Variants in GTPBP2 observed in about 807,000 individuals in gnomAD.
The protein encoded by GTPBP2 is GTP binding protein 2, also known as GTP-binding protein 2.
Under a neutral mutation model 63.0 loss-of-function variants are expected in GTPBP2, and 32 were observed. The observed-to-expected ratio is 0.51, with a 90% confidence interval of 0.38 to 0.68. GTPBP2 has a LOEUF of 0.68. Ranked by LOEUF, GTPBP2 falls within the 30% of genes least tolerant of loss-of-function variation. The pLI, the probability that GTPBP2 is intolerant of heterozygous loss-of-function variation, is 0.00. For synonymous variants in GTPBP2, 310 were observed against 322.6 expected (o/e 0.96, Z 0.42); for missense variants, 492 against 796.9 (o/e 0.62, Z 4.61).
Position 43,621,767 on chromosome 6 carries a change from C to A in GTPBP2, c.1656G>T (p.Lys552Asn). The change falls in exon 12 of 12, where the codon AAG (lysine) becomes AAT (asparagine). Residue 552 changes from lysine to asparagine, a missense_variant. Physicochemically the swap from Lys to Asn is moderately conservative, Grantham distance 94. Around this residue, in one of 2 missense-constraint regions of GTPBP2, gnomAD observed 400 missense variants for 710.8 expected, o/e 0.56. Transcript: ENST00000307126. ...HAKDKLRTGE[K>N]AVVRFRFLKH... ...TCAGGAAGCGGAAACGTACCACTGC[C>A]TTCTCGCCTGTCCGCAGTTTGTCCT... 6.2e-7 allele frequency: 1 copy of A among 1,614,212 alleles called. No homozygotes were observed. The highest frequency in any genetic ancestry group is 8.5e-7 in the Non-Finnish European group (1 of 1,180,042).
In GTPBP2 at chr6:43,629,037, C is replaced by T. The variant is rs1159563618; in HGVS notation, c.126G>A (p.Lys42=). 4 of 1,613,090 alleles carry T rather than the reference C, an allele frequency of 2.5e-6. No homozygotes were observed. Among genetic ancestry groups the T allele is most frequent in the Non-Finnish European group, 3.4e-6 (4 of 1,179,622 alleles). The change falls in exon 1 of 12, where the codon AAG becomes AAA. Residue 42 remains lysine (K), a synonymous_variant. Coordinates refer to ENST00000307126, the MANE Select transcript of GTPBP2 (RefSeq NM_019096.5). ...SSSGCGGPKG[K]KKNGRNRGGK... ...CCCCTCTGTTCCTTCCGTTCTTCTT[C>T]TTTCCCTTTGGCCCCCCGCAGCCGC...
Position 43,622,266 on chromosome 6 carries a change from T to C in GTPBP2, c.1468-99A>G. The C allele has an allele frequency of 2.0e-6, 2 of 989,132 alleles. No individual in the cohort carries two copies. The highest frequency in any genetic ancestry group is 4.9e-5 in the Admixed American group (2 of 40,956). The allele number at this position is 989,132 out of a possible 1,614,324, so 61.3% of individuals were successfully genotyped here. ...CCCTTTATAGCTCCTGAATTTCCTCTTCCTCTACACAACTCTAAACACAAA... is the reference window on the plus strand; with the variant it reads ...CCCTTTATAGCTCCTGAATTTCCTCCTCCTCTACACAACTCTAAACACAAA... On this transcript the variant is annotated intron_variant, in intron 10 of 11. Transcript: ENST00000307126. The surrounding 1 kb of genome is among the most constrained non-coding windows in gnomAD (Gnocchi z 5.4).
chr6:43,622,809 AGCCCAGAGG>A lies in GTPBP2; in HGVS notation c.1296-14_1296-6del. The A allele has an allele frequency of 6.2e-7, 1 of 1,609,354 alleles. No homozygotes were observed. The highest frequency in any genetic ancestry group is 8.5e-7 in the Non-Finnish European group (1 of 1,176,912). ...TCCCCCTCACGGCAAATCCCACTGC[AGCCCAGAGG>A]GCAGGTGGCACAGTGTCAGCCAAGG... is the stretch of plus-strand genomic sequence containing the variant. On this transcript the variant is annotated splice_region_variant and splice_polypyrimidine_tract_variant and intron_variant, in intron 9 of 11. Coordinates refer to ENST00000307126, the MANE Select transcript of GTPBP2 (RefSeq NM_019096.5). The surrounding 1 kb of genome is among the most constrained non-coding windows in gnomAD (Gnocchi z 5.4).
At chr6:43,628,933 G>T in intron 1 of GTPBP2, 44 bp downstream of exon 1, 3 of 1,590,682 alleles carry the variant, frequency 1.9e-6, no homozygotes, top group Non-Finnish European at 1.7e-6. Context: ...TCCTGGGCCG[G>T]AAAGAGTGGC....
Position 43,626,345 on chromosome 6 carries a change from G to T in GTPBP2, c.279C>A (p.Leu93=). Residue 93 remains leucine, a synonymous_variant, in exon 3 of 12, where the codon CTC becomes CTA. Coordinates refer to ENST00000307126, the MANE Select transcript of GTPBP2 (RefSeq NM_019096.5). The surrounding 1 kb of genome is among the most constrained non-coding windows in gnomAD (Gnocchi z 4.0). ...EHLVTQMKWR[L]QEGRGEAVYQ... ...AGACGGCCTCACCACGTCCCTCCTGGAGCCGCCACTTCATTTGTGTCACCA... is the reference window on the plus strand; with the variant it reads ...AGACGGCCTCACCACGTCCCTCCTGTAGCCGCCACTTCATTTGTGTCACCA... 6.2e-7 allele frequency: 1 copy of T among 1,614,166 alleles called. No individual in the cohort carries two copies. Among genetic ancestry groups the T allele is most frequent in the Non-Finnish European group, 8.5e-7 (1 of 1,180,032 alleles).
At chr6:43,629,661 CA>C (rs1769771827), upstream of GTPBP2, 3 of 1,393,094 alleles carry the variant, frequency 2.2e-6, no homozygotes, top group Admixed American at 5.9e-5. Context: ...GGATCCTAGA[CA>C]ACAGGTTTTG....
At position 43,621,341 on chromosome 6, in the gene GTPBP2, C is replaced by T; in HGVS notation, c.*273G>A. The T allele has an allele frequency of 8.0e-7, 1 of 1,247,512 alleles. No homozygotes were observed. Among genetic ancestry groups the T allele is most frequent in the Non-Finnish European group, 1.1e-6 (1 of 892,832 alleles). 77.3% of individuals were successfully genotyped at this position (1,247,512 alleles called of 1,614,324 possible). A position where few individuals can be genotyped will look rare whatever the true frequency, so the allele number is the denominator to read the frequency against. On this transcript the variant is annotated 3_prime_UTR_variant, in exon 12 of 12. Coordinates refer to ENST00000307126, the MANE Select transcript of GTPBP2 (RefSeq NM_019096.5). ...AGTGGATCCAGTCAGCTCCGGCAGA[C>T]AGGCCACAGGGTTGCCAGGTTTGAT...
chr6:43,629,181 C>A lies in GTPBP2; in HGVS notation c.-19G>T, dbSNP rs779614883. 2 of 1,374,786 alleles carry A rather than the reference C, an allele frequency of 1.5e-6. No individual in the cohort carries two copies. The highest frequency in any genetic ancestry group is 1.9e-6 in the Non-Finnish European group (2 of 1,071,424). 85.2% of individuals were successfully genotyped at this position (1,374,786 alleles called of 1,614,324 possible). On this transcript the variant is annotated 5_prime_UTR_variant, in exon 1 of 12. Transcript: ENST00000307126. ...AGTCCATCCGCCGCTGCCGCCAGCC[C>A]CCCGCCCGGCCCCTCCCCCGACCGC...
chr6:43,625,287 C>G lies in GTPBP2; in HGVS notation c.705+76G>C. The G allele has an allele frequency of 1.5e-6, 2 of 1,378,240 alleles. No individual in the cohort carries two copies. The highest frequency in any genetic ancestry group is 2.1e-6 in the Non-Finnish European group (2 of 967,410). The allele number at this position is 1,378,240 out of a possible 1,614,324, so 85.4% of individuals were successfully genotyped here. On this transcript the variant is annotated intron_variant, in intron 5 of 11. Coordinates refer to ENST00000307126, the MANE Select transcript of GTPBP2 (RefSeq NM_019096.5). This position sits in a 1 kb window ranked among gnomAD's most constrained non-coding sequence, Gnocchi z 5.1. ...ATTTCAAAAAGTCTCCACACTCTAC[C>G]CCCATCCTATGTCCTTCACTACTAC... is the stretch of plus-strand genomic sequence containing the variant.
intron 1 of GTPBP2, among the ~76,000 whole-genome samples, chr6:43,628,249 AGCTACTCGGGAG>A (rs941042812): frequency 1.3e-5 from 2 of 152,142 alleles, no homozygotes; most frequent in African/African-American, 4.8e-5. Context: ...CTGTAATGCC[AGCTACTCGGGAG>A]GCTGCAGCAG....
At position 43,624,580 on chromosome 6, in the gene GTPBP2, T is replaced by A. The variant is rs1769142318; in HGVS notation, c.1030A>T (p.Lys344Ter). The part of the protein sequence containing the change: ...ERVLKQPGCH[K>*]VPMLVTSEDD... ...TCAGAGGTGACCAGCATGGGGACCT[T>A]GTGGCAGCCAGGCTGCTTGAGGACC... The change falls in exon 7 of 12, where the codon AAG (lysine) becomes TAG (stop). Residue 344 changes from lysine to a stop codon, truncating the protein, a stop_gained. Coordinates refer to ENST00000307126, the MANE Select transcript of GTPBP2 (RefSeq NM_019096.5). LOFTEE classifies it high-confidence loss of function. This position sits in a 1 kb window ranked among gnomAD's most constrained non-coding sequence, Gnocchi z 5.1. The A allele has an allele frequency of 1.2e-6, 2 of 1,613,912 alleles. No homozygotes were observed.
At position 43,622,645 on chromosome 6, in the gene GTPBP2, T is replaced by C. The variant is rs748492429; in HGVS notation, c.1455A>G (p.Ala485=). ...ATLALGDFDR[A]LLRKGMVMVS... is the part of the protein sequence containing the mutation. ...GCACCCACCTCACCTTGCGAAGCAG[T>C]GCACGGTCAAAGTCCCCAAGCGCCA... Residue 485 remains alanine, a synonymous_variant, in exon 10 of 12, where the codon GCA becomes GCG. Transcript: ENST00000307126. This position sits in a 1 kb window ranked among gnomAD's most constrained non-coding sequence, Gnocchi z 5.4. 15 of 1,612,910 alleles carry C rather than the reference T, an allele frequency of 9.3e-6. No individual in the cohort carries two copies. The highest frequency in any genetic ancestry group is 1.2e-5 in the Non-Finnish European group (14 of 1,179,014).
chr6:43,626,132 G>C lies in GTPBP2; in HGVS notation c.398+94C>G, dbSNP rs985469646. On this transcript the variant is annotated intron_variant, in intron 3 of 11. Coordinates refer to ENST00000307126, the MANE Select transcript of GTPBP2 (RefSeq NM_019096.5). This position sits in a 1 kb window ranked among gnomAD's most constrained non-coding sequence, Gnocchi z 4.0. ...TCAGCCCTTTGTCAAGAGAAGGAAA[G>C]TCCCACCTTGGCCCCTCAGGCCCTA... is the stretch of plus-strand genomic sequence containing the variant. 1.7e-6 allele frequency: 2 copies of C among 1,191,924 alleles called. No homozygotes were observed. Among genetic ancestry groups the C allele is most frequent in the African/African-American group, 3.0e-5 (2 of 66,452 alleles). 73.8% of individuals were successfully genotyped at this position (1,191,924 alleles called of 1,614,324 possible).
rs751335488 is a variant in GTPBP2 at position 43,625,588 on chromosome 6, C to T, written c.508-28G>A. The T allele has an allele frequency of 1.3e-5, 21 of 1,556,266 alleles. No homozygotes were observed. The highest frequency in any genetic ancestry group is 2.2e-5 in the East Asian group (1 of 44,620). ...GTGGATGAATTGCCAGAGATAAGAA[C>T]TCCAATCTCTCACCCCTCTAACTGA... On this transcript the variant is annotated intron_variant, in intron 4 of 11. Coordinates refer to ENST00000307126, the MANE Select transcript of GTPBP2 (RefSeq NM_019096.5). This position sits in a 1 kb window ranked among gnomAD's most constrained non-coding sequence, Gnocchi z 5.1.
Position 43,625,719 on chromosome 6 carries a change from G to A in GTPBP2, c.507+37C>T, listed in dbSNP as rs764169577. Reference sequence around the variant, plus strand: ...CCTGCCACCACAGGGCCCTTCCACAGTGTGGACATGAGAGACAGGGATGGG... The same window carrying A: ...CCTGCCACCACAGGGCCCTTCCACAATGTGGACATGAGAGACAGGGATGGG... On this transcript the variant is annotated intron_variant, in intron 4 of 11. Coordinates refer to ENST00000307126, the MANE Select transcript of GTPBP2 (RefSeq NM_019096.5). This position sits in a 1 kb window ranked among gnomAD's most constrained non-coding sequence, Gnocchi z 5.1. The A allele has an allele frequency of 1.1e-5, 16 of 1,519,850 alleles. No homozygotes were observed. In the South Asian group the frequency reaches 1.7e-4, roughly 16 times the overall value. 94.1% of individuals were successfully genotyped at this position (1,519,850 alleles called of 1,614,324 possible). A position where few individuals can be genotyped will look rare whatever the true frequency, so the allele number is the denominator to read the frequency against.
chr6:43,623,896 G>A (rs902925302), intron 8 of GTPBP2, 37 bp downstream of exon 8: 1 of 1,613,446 alleles, frequency 6.2e-7, no homozygotes, highest in Non-Finnish European at 8.5e-7. Flanking sequence ...GCCCCTCCCT[G>A]TTTCCCAGCC....
chr6:43,623,841 G>A (rs762036697), intron 8 of GTPBP2, 46 bp from the exon 9 acceptor site: 7 of 1,609,314 alleles, frequency 4.3e-6, no homozygotes, highest in Non-Finnish European at 6.0e-6. Context: ...AGTAGGGCTG[G>A]TGGGTCCAAA....
At position 43,629,250 on chromosome 6, in the gene GTPBP2, C is replaced by G; in HGVS notation, c.-88G>C. On this transcript the variant is annotated 5_prime_UTR_variant, in exon 1 of 12. Transcript: ENST00000307126. ...CCTTACTGCCACTGCCGTGTCCGGC[C>G]GGCCTGAGCAGAGTGGGGTGGGGCT... is the stretch of plus-strand genomic sequence containing the variant. 2 of 1,014,560 alleles carry G rather than the reference C, an allele frequency of 2.0e-6. No homozygotes were observed. The highest frequency in any genetic ancestry group is 1.3e-6 in the Non-Finnish European group (1 of 763,614). The allele number at this position is 1,014,560 out of a possible 1,614,324, so 62.8% of individuals were successfully genotyped here. A position where few individuals can be genotyped will look rare whatever the true frequency, so the allele number is the denominator to read the frequency against.
chr6:43,622,482 T>A lies in GTPBP2; in HGVS notation c.1467+151A>T, dbSNP rs1170384932. On this transcript the variant is annotated intron_variant, in intron 10 of 11. Transcript: ENST00000307126. This position sits in a 1 kb window ranked among gnomAD's most constrained non-coding sequence, Gnocchi z 5.4. ...TCATGAGTACGTTAAGCTGTTTTTATAGTCTACGTAGCTAGACCAGAAGCT... is the reference window on the plus strand; with the variant it reads ...TCATGAGTACGTTAAGCTGTTTTTAAAGTCTACGTAGCTAGACCAGAAGCT... The A allele has an allele frequency of 2.7e-6, 2 of 739,344 alleles. No individual in the cohort carries two copies. The highest frequency in any genetic ancestry group is 1.8e-5 in the African/African-American group (1 of 57,004). The allele number at this position is 739,344 out of a possible 1,614,324, so 45.8% of individuals were successfully genotyped here.
Sources: gnomAD v4.1 joint callset for allele counts (sites outside exome capture counted in the v4.1 genomes callset) on GRCh38, gnomAD v4.1.1 for gene constraint, gnomAD v4.1.1 regional missense constraint, Gnocchi (gnomAD v3.1) non-coding constraint, MANE v1.5 for transcripts, NCBI Gene and HGNC (gene_info 2026-07-23, HGNC 2026-07-21) for gene names.